RRAS2: variants seen among roughly 807,000 people sequenced by gnomAD.
The protein encoded by RRAS2 is ras-related protein R-Ras2.
Under a neutral mutation model 27.6 loss-of-function variants are expected in RRAS2, and 7 were observed. The ratio of observed to expected loss-of-function variants is 0.25; its 90% CI spans 0.14 to 0.48. The LOEUF (loss-of-function observed/expected upper bound fraction) is 0.48. RRAS2 is among the 20% of genes least tolerant of loss of function. RRAS2 has a pLI of 0.99. For missense variants in RRAS2, 178 were observed against 256.2 expected (o/e 0.69, Z 2.08); for synonymous variants, 86 against 90.9 (o/e 0.95, Z 0.31).
At chr11:14,353,041 C>T (rs1172200027) in intron 1 of RRAS2, among the ~76,000 whole-genome samples, 3 of 151,994 alleles carry the variant, frequency 2.0e-5, no homozygotes, top group African/African-American at 4.8e-5. Flanking sequence ...TCAAGTGATC[C>T]GCCCGCCTCA....
chr11:14,343,706 C>A (rs1259462661), intron 1 of RRAS2, among the ~76,000 whole-genome samples: 1 of 150,288 alleles, frequency 6.7e-6, no homozygotes, highest in Non-Finnish European at 1.5e-5. Context: ...TGATGGTGCA[C>A]GCCTGTAGTC....
upstream of RRAS2, among the ~76,000 whole-genome samples, chr11:14,364,166 A>G (rs1408424539): frequency 6.6e-6 from 1 of 152,212 alleles, no homozygotes; most frequent in Non-Finnish European, 1.5e-5. Context: ...TTCAGGACAA[A>G]CAATGACCAT....
intron 1 of RRAS2, among the ~76,000 whole-genome samples, chr11:14,342,688 C>T (rs1203644675): frequency 3.3e-5 from 5 of 152,076 alleles, no homozygotes; most frequent in Non-Finnish European, 1.5e-5. Flanking sequence ...GAAATTAATG[C>T]AAACTCAAGG....
intron 1 of RRAS2, among the ~76,000 whole-genome samples, chr11:14,332,841 A>C (rs1554952106): frequency 6.6e-6 from 1 of 152,236 alleles, no homozygotes; most frequent in Non-Finnish European, 1.5e-5. Flanking sequence ...ACAAGGAAAA[A>C]AAATGCAACA....
intron 4 of RRAS2, among the ~76,000 whole-genome samples, chr11:14,292,199 G>C (rs578236978): frequency 6.6e-6 from 1 of 152,162 alleles, no homozygotes; most frequent in Non-Finnish European, 1.5e-5. Context: ...ATAGACCCAA[G>C]CTGATAATGG....
At chr11:14,327,467 A>C (rs1554951184) in intron 1 of RRAS2, among the ~76,000 whole-genome samples, 1 of 152,228 alleles carries the variant, frequency 6.6e-6, no homozygotes, top group African/African-American at 2.4e-5. Context: ...TGCCCTTCCT[A>C]AATGTTTAAG....
intron 4 of RRAS2, among the ~76,000 whole-genome samples, chr11:14,285,807 C>A (rs1849645600): frequency 6.6e-6 from 1 of 152,208 alleles, no homozygotes; most frequent in Non-Finnish European, 1.5e-5. Flanking sequence ...CTCCTGCCAT[C>A]CTTATCTTTG....
exon 1 of RRAS2, chr11:14,364,506 T>G: frequency 2.3e-6 from 2 of 880,492 alleles, no homozygotes; most frequent in Admixed American, 4.0e-5. Context: ...GCATCTGAGA[T>G]GAGACATAAG....
intron 4 of RRAS2, among the ~76,000 whole-genome samples, chr11:14,289,710 T>C (rs1162317848): frequency 2.6e-5 from 4 of 152,120 alleles, no homozygotes; most frequent in Admixed American, 2.6e-4. Flanking sequence ...ACTGGATGAA[T>C]GGATGGAAGG....
intron 4 of RRAS2, among the ~76,000 whole-genome samples, chr11:14,289,260 G>A (rs1027901070): frequency 3.3e-5 from 5 of 152,156 alleles, no homozygotes; most frequent in African/African-American, 1.2e-4. Flanking sequence ...TAATAGTAAC[G>A]ATTAATAATT....
chr11:14,364,350 AAAG>A (rs1849226802), intron 1 of RRAS2: 2 of 1,533,654 alleles, frequency 1.3e-6, no homozygotes, highest in South Asian at 1.2e-5. Context: ...CCTGTTGGCC[AAAG>A]AAGGCCAAGC....
intron 1 of RRAS2, among the ~76,000 whole-genome samples, chr11:14,340,418 GA>G (rs1242804313): frequency 6.6e-6 from 1 of 151,800 alleles, no homozygotes; most frequent in East Asian, 2.0e-4. Flanking sequence ...AGTATTCTGA[GA>G]ATCCCACAGG....
At position 14,358,386 on chromosome 11, in the gene RRAS2, G is replaced by C; in HGVS notation, c.108+377C>G. 3.0e-6 allele frequency: 3 copies of C among 985,456 alleles called. No homozygotes were observed. The highest frequency in any genetic ancestry group is 3.6e-6 in the Non-Finnish European group (3 of 830,010). 61.0% of individuals were successfully genotyped at this position (985,456 alleles called of 1,614,324 possible). ...GCAGGCGGCTGGAAAAGCAGCGCGC[G>C]GGGCTCCAGCTCCAGCCCCACGCCC... On this transcript the variant is annotated intron_variant, in intron 1 of 5. Transcript: ENST00000256196. The surrounding 1 kb of genome is among the most constrained non-coding windows in gnomAD (Gnocchi z 5.1).
At chr11:14,354,952 C>T (rs1849041920) in intron 1 of RRAS2, among the ~76,000 whole-genome samples, 1 of 152,058 alleles carries the variant, frequency 6.6e-6, no homozygotes, top group African/African-American at 2.4e-5. Flanking sequence ...GCTGGGATTA[C>T]AGGTGTGAGC....
intron 1 of RRAS2, among the ~76,000 whole-genome samples, chr11:14,355,555 A>G (rs1204999375): frequency 6.6e-6 from 1 of 152,212 alleles, no homozygotes; most frequent in Admixed American, 6.5e-5. Context: ...AGGTATCTCA[A>G]TTTAATTATC....
intron 1 of RRAS2, among the ~76,000 whole-genome samples, chr11:14,301,199 G>A (rs1185862618): frequency 6.6e-6 from 1 of 152,090 alleles, no homozygotes; most frequent in Non-Finnish European, 1.5e-5. Context: ...ACTGAATCTG[G>A]GCAACGTGTA....
chr11:14,287,588 T>C (rs934985154), intron 4 of RRAS2, among the ~76,000 whole-genome samples: 3 of 152,164 alleles, frequency 2.0e-5, no homozygotes, highest in Non-Finnish European at 4.4e-5. Flanking sequence ...TAAAAAAAGT[T>C]AGGCCAGGCA....
intron 1 of RRAS2, among the ~76,000 whole-genome samples, chr11:14,343,361 G>A (rs913410820): frequency 3.9e-5 from 6 of 152,154 alleles, no homozygotes; most frequent in African/African-American, 1.4e-4. Flanking sequence ...ATAATAGTAA[G>A]GAAATAACCC....
At chr11:14,322,530 C>T (rs1338491651) in intron 1 of RRAS2, among the ~76,000 whole-genome samples, 6 of 152,266 alleles carry the variant, frequency 3.9e-5, no homozygotes, top group Non-Finnish European at 5.9e-5. Flanking sequence ...TGCTTCTCTT[C>T]CTTGATGTTT....
Sources: allele counts gnomAD v4.1 joint callset (sites outside exome capture counted in the v4.1 genomes callset), GRCh38; gene constraint gnomAD v4.1.1; non-coding constraint Gnocchi (gnomAD v3.1); transcripts MANE v1.5; gene names NCBI Gene and HGNC (gene_info 2026-07-23, HGNC 2026-07-21).